The following FBN1 variants were observed in gnomAD, a reference collection of about 807,000 sequenced individuals.
FBN1 encodes fibrillin-1.
A neutral mutation model predicts 365.1 loss-of-function variants in FBN1; 29 were observed. The ratio of observed to expected loss-of-function variants is 0.08; its 90% CI spans 0.06 to 0.11. The LOEUF (loss-of-function observed/expected upper bound fraction) is 0.11, where lower values mean the gene tolerates loss of function less well. FBN1 is among the 10% of genes least tolerant of loss of function. FBN1 has a pLI of 1.00. For synonymous variants in FBN1, 1,210 were observed against 1,270.5 expected, an observed-to-expected ratio of 0.95 and a Z score of 1.01; for missense variants, 2,476 against 3,703.2, an observed-to-expected ratio of 0.67 and a Z score of 8.60.
intron 49 of FBN1, among the ~76,000 whole-genome samples, chr15:48,443,909 G>C (rs1284779062): frequency 6.6e-6 from 1 of 152,112 alleles, no homozygotes; most frequent in Non-Finnish European, 1.5e-5. Flanking sequence ...GCACATGCCT[G>C]TAGTCCCAGC....
chr15:48,420,241 G>A (rs1020891138), intron 63 of FBN1, among the ~76,000 whole-genome samples: 1 of 152,164 alleles, frequency 6.6e-6, no homozygotes, highest in African/African-American at 2.4e-5. Context: ...CAACCTTGCT[G>A]TGTTTCCTGC....
chr15:48,597,063 G>A (rs937602660), intron 5 of FBN1, among the ~76,000 whole-genome samples: 4 of 152,248 alleles, frequency 2.6e-5, no homozygotes, highest in South Asian at 4.1e-4. Context: ...TTCGTCATGC[G>A]TGGCAGGCTC....
chr15:48,445,119 T>C (rs938360931), intron 48 of FBN1, among the ~76,000 whole-genome samples: 25 of 140,628 alleles, frequency 1.8e-4, no homozygotes, highest in South Asian at 1.2e-3. Context: ...TATATATATA[T>C]ACACATATAT....
At chr15:48,582,875 G>C (rs1225433699) in intron 6 of FBN1, among the ~76,000 whole-genome samples, 1 of 152,140 alleles carries the variant, frequency 6.6e-6, no homozygotes, top group Non-Finnish European at 1.5e-5. Flanking sequence ...TGACTTTGAA[G>C]GGCATTGGAA....
At chr15:48,513,704 T>C (rs72739819) in intron 12 of FBN1, 36 bp from the exon 13 acceptor site, 3 of 1,612,604 alleles carry the variant, frequency 1.9e-6, no homozygotes, top group Non-Finnish European at 2.5e-6. Flanking sequence ...CAAAATTACA[T>C]AGCAATACCT....
At position 48,600,138 on chromosome 15, in the gene FBN1, C is replaced by T. The variant is rs868403743; in HGVS notation, c.442+1G>A. ...AATACTTATAACTACAGTGTACTTA[C>T]GTTGTCCACAGTGAGTCCCTATGTA... On this transcript the variant is annotated splice_donor_variant, in intron 5 of 65. Transcript: ENST00000316623. LOFTEE classifies it high-confidence loss of function. The T allele has an allele frequency of 6.3e-6, 10 of 1,599,030 alleles. No homozygotes were observed. The highest frequency in any genetic ancestry group is 7.7e-6 in the Non-Finnish European group (9 of 1,166,324).
At chr15:48,425,901 T>C (rs139122925) in intron 58 of FBN1, 37 bp from the exon 59 acceptor site, 183 of 1,518,388 alleles carry the variant, frequency 1.2e-4, no homozygotes, top group Admixed American at 3.9e-4. Flanking sequence ...AAATATATCA[T>C]AAAATTGACA....
At chr15:48,494,160 A>G (rs1386370143) in intron 23 of FBN1, 44 bp downstream of exon 23, 1 of 1,475,194 alleles carries the variant, frequency 6.8e-7, no homozygotes, top group Admixed American at 1.7e-5. Context: ...ACAAACATTC[A>G]TTATGCACAC....
At chr15:48,497,522 A>C in intron 18 of FBN1, 131 bp from the exon 19 acceptor site, 1 of 807,050 alleles carries the variant, frequency 1.2e-6, no homozygotes, top group Non-Finnish European at 2.0e-6. Flanking sequence ...ATTTCACTGG[A>C]AAGAGAACAC....
At chr15:48,534,733 G>C (rs368945053) in intron 7 of FBN1, among the ~76,000 whole-genome samples, 8 of 152,300 alleles carry the variant, frequency 5.3e-5, no homozygotes, top group African/African-American at 1.9e-4. Context: ...AAATGAAGTG[G>C]AAATGTTCAC....
chr15:48,502,228 T>C (rs2043666706), intron 17 of FBN1, among the ~76,000 whole-genome samples: 1 of 152,128 alleles, frequency 6.6e-6, no homozygotes, highest in South Asian at 2.1e-4. Context: ...GTATTTTTAG[T>C]AGAGATGAGA....
At chr15:48,490,719 A>C (rs2043551011) in intron 24 of FBN1, among the ~76,000 whole-genome samples, 1 of 152,236 alleles carries the variant, frequency 6.6e-6, no homozygotes, top group Admixed American at 6.5e-5. Flanking sequence ...GGGATTATAA[A>C]GAAGAGCAGA....
intron 36 of FBN1, among the ~76,000 whole-genome samples, chr15:48,469,124 A>T (rs552581610): frequency 3.2e-4 from 40 of 124,958 alleles, no homozygotes; most frequent in African/African-American, 7.3e-4. Context: ...TATATATATA[A>T]AATATAATAT....
chr15:48,531,559 T>A (rs1475852712), intron 8 of FBN1, among the ~76,000 whole-genome samples: 1 of 152,174 alleles, frequency 6.6e-6, no homozygotes, highest in African/African-American at 2.4e-5. Context: ...CAGAACCCCA[T>A]GGTTATACTC....
intron 31 of FBN1, among the ~76,000 whole-genome samples, chr15:48,482,393 CA>C (rs373255678): frequency 3.3e-5 from 5 of 151,326 alleles, no homozygotes; most frequent in Admixed American, 6.6e-5. Context: ...ATGAAACAAC[CA>C]AAAAAAATAG....
Position 48,420,790 on chromosome 15 carries a change from C to T in FBN1, c.7716G>A (p.Glu2572=). The change falls in exon 63 of 66, where the codon GAG becomes GAA. Residue 2572 remains glutamate, a synonymous_variant. Coordinates refer to ENST00000316623, the MANE Select transcript of FBN1 (RefSeq NM_000138.5). The stretch of plus-strand genomic sequence containing the variant: ...AGCCATGCTGGCAGCGGTGGTTACC[C>T]TCACACTCGTCCACGTCTGAAAAAG... ...GSSCEDVDEC[E]GNHRCQHGCQ... The T allele has an allele frequency of 6.2e-7, 1 of 1,614,034 alleles. No individual in the cohort carries two copies. The highest frequency in any genetic ancestry group is 1.1e-5 in the South Asian group (1 of 91,080).
intron 2 of FBN1, chr15:48,644,301 CTCTTA>C: frequency 2.3e-6 from 1 of 442,244 alleles, no homozygotes; most frequent in Admixed American, 3.4e-5. Context: ...CGGGCTTCTC[CTCTTA>C]TCCCACTCGC....
intron 4 of FBN1, among the ~76,000 whole-genome samples, chr15:48,603,470 G>C (rs1445182927): frequency 3.3e-5 from 5 of 152,188 alleles, no homozygotes; most frequent in Non-Finnish European, 1.5e-5. Flanking sequence ...GAAAGAACTA[G>C]ATACGTAGTT....
intron 2 of FBN1, among the ~76,000 whole-genome samples, chr15:48,626,044 T>G (rs1159514937): frequency 6.6e-6 from 1 of 152,056 alleles, no homozygotes; most frequent in African/African-American, 2.4e-5. Flanking sequence ...TATAAGAAAC[T>G]TTTAAAAAAA....
Sources: allele counts gnomAD v4.1 joint callset (sites outside exome capture counted in the v4.1 genomes callset), GRCh38; gene constraint gnomAD v4.1.1; transcripts MANE v1.5; gene names NCBI Gene and HGNC (gene_info 2026-07-23, HGNC 2026-07-21).